Variants in UBE4A observed in about 807,000 individuals in gnomAD.
The protein encoded by UBE4A is ubiquitination factor E4A.
In UBE4A, 48 loss-of-function variants were observed where a neutral mutation model predicts 117.9. That is an observed-to-expected ratio of 0.41 (90% CI 0.32 to 0.52). The LOEUF is 0.52. Among genes scored for constraint, UBE4A ranks in the 20% least tolerant of loss-of-function variants. The pLI is 0.33. For missense variants in UBE4A, 1,067 were observed against 1,296.3 expected, an observed-to-expected ratio of 0.82 and a Z score of 2.72; for synonymous variants, 407 against 450.0, an observed-to-expected ratio of 0.90 and a Z score of 1.21.
intron 19 of UBE4A, among the ~76,000 whole-genome samples, chr11:118,395,602 T>C (rs1948863631): frequency 6.6e-6 from 1 of 152,252 alleles, no homozygotes; most frequent in South Asian, 2.1e-4. Context: ...CAAGGCTTTA[T>C]TCCTTAACAT....
At chr11:118,366,331 T>C (rs1948562667) in intron 2 of UBE4A, among the ~76,000 whole-genome samples, 1 of 152,228 alleles carries the variant, frequency 6.6e-6, no homozygotes. Context: ...TGAGAAAGTA[T>C]GATTTATGAG....
chr11:118,384,055 A>G (rs1312371924), intron 13 of UBE4A, among the ~76,000 whole-genome samples: 2 of 152,248 alleles, frequency 1.3e-5, no homozygotes, highest in African/African-American at 4.8e-5. Context: ...TAGATTAAGC[A>G]GAGCCAGAAT....
intron 2 of UBE4A, among the ~76,000 whole-genome samples, chr11:118,366,852 G>A (rs938762549): frequency 6.6e-6 from 1 of 151,922 alleles, no homozygotes; most frequent in African/African-American, 2.4e-5. Flanking sequence ...GCAGATCACC[G>A]GAGGTCAGGA....
intron 11 of UBE4A, 21 bp from the exon 12 acceptor site, chr11:118,381,370 A>G (rs781807978): frequency 2.5e-6 from 4 of 1,613,686 alleles, no homozygotes; most frequent in Non-Finnish European, 8.5e-7. Flanking sequence ...GGCTAATTCC[A>G]GTGAATATTT....
At chr11:118,375,984 A>G (rs1948649364) in intron 9 of UBE4A, among the ~76,000 whole-genome samples, 1 of 152,194 alleles carries the variant, frequency 6.6e-6, no homozygotes, top group Admixed American at 6.5e-5. Flanking sequence ...CAAAGAAGCA[A>G]GAGGGTCCCT....
At chr11:118,391,203 C>T (rs973162972) in intron 18 of UBE4A, among the ~76,000 whole-genome samples, 8 of 152,058 alleles carry the variant, frequency 5.3e-5, no homozygotes, top group African/African-American at 1.4e-4. Context: ...TTTAAGAAAT[C>T]GGCTGGGTAC....
intron 13 of UBE4A, among the ~76,000 whole-genome samples, chr11:118,382,977 A>T (rs1948719638): frequency 6.8e-6 from 1 of 147,032 alleles, no homozygotes; most frequent in Non-Finnish European, 1.5e-5. Flanking sequence ...TCACTCTATT[A>T]TCCCTGTTTT....
At chr11:118,369,287 T>G in intron 3 of UBE4A, 136 bp from the exon 4 acceptor site, 1 of 634,080 alleles carries the variant, frequency 1.6e-6, no homozygotes, top group Non-Finnish European at 2.8e-6. Context: ...AATCTTTAGA[T>G]GTTGCTTTGT....
intron 2 of UBE4A, among the ~76,000 whole-genome samples, chr11:118,366,333 A>G (rs774784050): frequency 9.9e-5 from 15 of 152,224 alleles, no homozygotes; most frequent in Admixed American, 2.0e-4. Context: ...AGAAAGTATG[A>G]TTTATGAGTA....
In UBE4A at chr11:118,384,645, T is replaced by A; in HGVS notation, c.2208T>A (p.His736Gln). 1 of 1,614,036 alleles carries A rather than the reference T, an allele frequency of 6.2e-7. No individual in the cohort carries two copies. Among genetic ancestry groups the A allele is most frequent in the Non-Finnish European group, 8.5e-7 (1 of 1,179,980 alleles). ...FVDIEFTGDP[H>Q]QFEQKFNYRR... ...CTTGCCTTACTCCAGGAGACCCCCA[T>A]CAATTTGAACAGAAGTTTAATTACC... is the stretch of plus-strand genomic sequence containing the variant. Residue 736 changes from histidine (H) to glutamine (Q), a missense_variant, in exon 14 of 20, where the codon CAT becomes CAA. This residue lies in a region of UBE4A where 1,001 missense variants were observed against 1,184.0 expected (regional missense o/e 0.85). Transcript: ENST00000252108.
At chr11:118,383,104 C>G (rs1308727540) in intron 13 of UBE4A, among the ~76,000 whole-genome samples, 1 of 152,080 alleles carries the variant, frequency 6.6e-6, no homozygotes, top group Admixed American at 6.5e-5. Flanking sequence ...TCTGTGTCAC[C>G]TAAAGAAATC....
chr11:118,382,715 T>C lies in UBE4A; in HGVS notation c.2136T>C (p.Phe712=). Reference sequence around the variant, plus strand: ...ACCGGAAACGTGTGTTCTGCAACTTTCAGTATGCACCCCAACTTGCAGAGG... The same window carrying C: ...ACCGGAAACGTGTGTTCTGCAACTTCCAGTATGCACCCCAACTTGCAGAGG... ...VFHRKRVFCN[F]QYAPQLAEAL... is the part of the protein sequence containing the mutation. The change falls in exon 13 of 20, where the codon TTT becomes TTC. Residue 712 remains phenylalanine (F), a synonymous_variant. Coordinates refer to ENST00000252108, the MANE Select transcript of UBE4A (RefSeq NM_001204077.2). The C allele has an allele frequency of 6.2e-7, 1 of 1,604,876 alleles. No homozygotes were observed. Among genetic ancestry groups the C allele is most frequent in the East Asian group, 2.2e-5 (1 of 44,518 alleles).
At chr11:118,379,308 T>C (rs782794927) in intron 10 of UBE4A, 138 bp from the exon 11 acceptor site, 7 of 946,678 alleles carry the variant, frequency 7.4e-6, no homozygotes, top group South Asian at 1.6e-5. Context: ...TCAAAAACTT[T>C]TGTGAGTGCC....
At chr11:118,389,999 A>G in intron 17 of UBE4A, 94 bp downstream of exon 17, 1 of 1,302,026 alleles carries the variant, frequency 7.7e-7, no homozygotes. Context: ...ATGTGAAAAT[A>G]GAAAAGAAAT....
chr11:118,392,809 T>C lies in UBE4A; in HGVS notation c.2988T>C (p.Ile996=). The C allele has an allele frequency of 1.9e-6, 3 of 1,614,160 alleles. No individual in the cohort carries two copies. Among genetic ancestry groups the C allele is most frequent in the Non-Finnish European group, 2.5e-6 (3 of 1,180,028 alleles). Residue 996 remains isoleucine, a synonymous_variant, in exon 19 of 20, where the codon ATT becomes ATC. Coordinates refer to ENST00000252108, the MANE Select transcript of UBE4A (RefSeq NM_001204077.2). ...CCTGTGATGAGTTCCTGGATCCCAT[T>C]ATGAGCACACTGATGTGTGACCCTG... ...ADACDEFLDP[I]MSTLMCDPVV...
chr11:118,388,648 C>CAA (rs59525448), intron 16 of UBE4A, among the ~76,000 whole-genome samples: 28 of 115,264 alleles, frequency 2.4e-4, no homozygotes, highest in Non-Finnish European at 3.3e-4. Flanking sequence ...GACTCTATCT[C>CAA]AAAAAAAAAA....
chr11:118,371,573 T>A lies in UBE4A; in HGVS notation c.468T>A (p.Ser156=), dbSNP rs1304931273. ...GCAACCACTTAATTAACATGACTTC[T>A]TCTACAACGCTAAATCTCTCTGCTG... ...DPGNHLINMT[S]STTLNLSADR... Residue 156 remains serine (S), a synonymous_variant, in exon 5 of 20, where the codon TCT becomes TCA. Transcript: ENST00000252108. 6.2e-7 allele frequency: 1 copy of A among 1,614,114 alleles called. No homozygotes were observed. Among genetic ancestry groups the A allele is most frequent in the Non-Finnish European group, 8.5e-7 (1 of 1,180,016 alleles).
rs148876040 is a variant in UBE4A at position 118,379,635 on chromosome 11, G to C, written c.1761G>C (p.Leu587Phe). 3.1e-6 allele frequency: 5 copies of C among 1,614,086 alleles called. No individual in the cohort carries two copies. In the African/African-American group the frequency reaches 6.7e-5, roughly 22 times the overall value. Residue 587 changes from leucine (L) to phenylalanine (F), a missense_variant, in exon 11 of 20, where the codon TTG becomes TTC. Transcript: ENST00000252108. Reference protein sequence around the residue: ...EPQMLQNCLNLQVSMAVLLVQ... With the variant: ...EPQMLQNCLNFQVSMAVLLVQ... Reference sequence around the variant, plus strand: ...AAATGCTACAAAACTGCCTAAACTTGCAGGTGTCCATGGCTGTTCTACTGG... The same window carrying C: ...AAATGCTACAAAACTGCCTAAACTTCCAGGTGTCCATGGCTGTTCTACTGG...
chr11:118,372,420 A>G (rs1199882639), intron 5 of UBE4A, 87 bp from the exon 6 acceptor site: 8 of 1,334,892 alleles, frequency 6.0e-6, no homozygotes, highest in East Asian at 2.5e-5. Flanking sequence ...GGAGACCAGT[A>G]TGTCTCTTCT....
Sources: allele counts gnomAD v4.1 joint callset (sites outside exome capture counted in the v4.1 genomes callset), GRCh38; gene constraint gnomAD v4.1.1; regional missense constraint gnomAD v4.1.1; transcripts MANE v1.5; gene names NCBI Gene and HGNC (gene_info 2026-07-23, HGNC 2026-07-21).